Variants in SNTG1 observed in about 807,000 individuals in gnomAD.
SNTG1 encodes the protein gamma-1-syntrophin.
A neutral mutation model predicts 74.7 loss-of-function variants in SNTG1; 39 were observed. The ratio of observed to expected loss-of-function variants is 0.52; its 90% CI spans 0.40 to 0.68. The LOEUF (loss-of-function observed/expected upper bound fraction) is 0.68, where lower values mean the gene tolerates loss of function less well. Ranked by LOEUF, SNTG1 falls within the 30% of genes least tolerant of loss-of-function variation. The pLI, the probability that SNTG1 is intolerant of heterozygous loss-of-function variation, is 0.00. For synonymous variants in SNTG1, 254 were observed against 217.1 expected (o/e 1.17, Z -1.49); for missense variants, 685 against 609.5 (o/e 1.12, Z -1.30).
chr8:50,198,259 G>C (rs922300715), intron 2 of SNTG1, among the ~76,000 whole-genome samples: 1 of 152,164 alleles, frequency 6.6e-6, no homozygotes, highest in Non-Finnish European at 1.5e-5. Flanking sequence ...GGTTGAATCC[G>C]CCGGCTCTGA....
At chr8:50,418,957 G>C (rs1369731856) in intron 4 of SNTG1, among the ~76,000 whole-genome samples, 1 of 152,012 alleles carries the variant, frequency 6.6e-6, no homozygotes, top group African/African-American at 2.4e-5. Flanking sequence ...GGATAGAACT[G>C]TTTTTCTCTA....
chr8:50,207,513 C>T (rs2084305008), intron 2 of SNTG1, among the ~76,000 whole-genome samples: 1 of 152,148 alleles, frequency 6.6e-6, no homozygotes, highest in Admixed American at 6.5e-5. Context: ...CTTCAAAAAA[C>T]TAGCTCCTAG....
intron 2 of SNTG1, among the ~76,000 whole-genome samples, chr8:50,305,551 T>TGC (rs1399163096): frequency 2.0e-5 from 3 of 151,526 alleles, no homozygotes; most frequent in Non-Finnish European, 4.4e-5. Flanking sequence ...TGTGTGTGTG[T>TGC]GTGTCTGTAT....
At chr8:50,498,679 C>A (rs1044575822) in intron 8 of SNTG1, among the ~76,000 whole-genome samples, 1 of 151,770 alleles carries the variant, frequency 6.6e-6, no homozygotes, top group Non-Finnish European at 1.5e-5. Context: ...AATGCCACAA[C>A]GGTTTTCTCC....
intron 4 of SNTG1, among the ~76,000 whole-genome samples, chr8:50,409,641 C>G (rs549841204): frequency 2.0e-5 from 3 of 152,122 alleles, no homozygotes; most frequent in Non-Finnish European, 4.4e-5. Flanking sequence ...ACATTCAGTT[C>G]CTGTCATCCT....
chr8:50,461,204 T>G (rs976122942), intron 8 of SNTG1, among the ~76,000 whole-genome samples: 1 of 126,696 alleles, frequency 7.9e-6, no homozygotes, highest in Non-Finnish European at 1.7e-5. Context: ...TGTGTGTGTG[T>G]GACTGTACTG....
At chr8:50,789,526 C>T (rs1443854957) in intron 18 of SNTG1, among the ~76,000 whole-genome samples, 1 of 151,960 alleles carries the variant, frequency 6.6e-6, no homozygotes, top group Non-Finnish European at 1.5e-5. Flanking sequence ...ATATGCAGTT[C>T]TCCACTTATC....
intron 10 of SNTG1, among the ~76,000 whole-genome samples, chr8:50,536,109 A>G (rs535033746): frequency 2.0e-4 from 31 of 152,320 alleles, no homozygotes; most frequent in Non-Finnish European, 4.0e-4. Context: ...ATGCAATTAA[A>G]ACAACATAAG....
At position 50,682,154 on chromosome 8, in the gene SNTG1, G is replaced by C. The variant is rs1508624; in HGVS notation, c.1039-22446G>C. 2.0e-5 allele frequency among the ~76,000 whole-genome samples: 3 copies of C among 152,194 alleles called. No homozygotes were observed. The South Asian group carries it at 6.2e-4, about 32-fold the overall frequency. The stretch of plus-strand genomic sequence containing the variant: ...CTTCTATAGAAGGGTGTGACTTGCA[G>C]ATGGAGTAAAGGTGAGGGCACACAT... On this transcript the variant is annotated intron_variant, in intron 15 of 18. Coordinates refer to ENST00000642720, the MANE Select transcript of SNTG1 (RefSeq NM_018967.5).
chr8:50,080,242 T>A (rs1179038784), intron 1 of SNTG1, among the ~76,000 whole-genome samples: 2 of 152,192 alleles, frequency 1.3e-5, no homozygotes, highest in African/African-American at 4.8e-5. Context: ...CTATTTCTTG[T>A]CTTAAAATCT....
chr8:50,731,658 C>T (rs751141839), intron 17 of SNTG1, among the ~76,000 whole-genome samples: 2 of 152,086 alleles, frequency 1.3e-5, no homozygotes, highest in Admixed American at 1.3e-4. Flanking sequence ...TTTACAATGG[C>T]ACTCACAATT....
intron 1 of SNTG1, among the ~76,000 whole-genome samples, chr8:50,140,161 C>T (rs2081609151): frequency 6.6e-6 from 1 of 152,112 alleles, no homozygotes; most frequent in South Asian, 2.1e-4. Flanking sequence ...AATCTTTGTT[C>T]TGTGTGATGC....
chr8:50,371,717 G>A (rs749820286), intron 2 of SNTG1, among the ~76,000 whole-genome samples: 3 of 152,078 alleles, frequency 2.0e-5, no homozygotes, highest in Non-Finnish European at 4.4e-5. Flanking sequence ...GTGCTCTAAT[G>A]TTAGCTGCCT....
intron 13 of SNTG1, among the ~76,000 whole-genome samples, chr8:50,592,820 T>G (rs1418269836): frequency 6.6e-6 from 1 of 152,170 alleles, no homozygotes; most frequent in African/African-American, 2.4e-5. Context: ...CATCCTGATA[T>G]TTAAGAAACC....
In SNTG1 at chr8:50,644,457, G is replaced by A. The variant is rs1029464519; in HGVS notation, c.850-12452G>A. 3.9e-5 allele frequency: 6 copies of A among 152,040 alleles called. No individual in the cohort carries two copies. In the East Asian group the frequency reaches 9.6e-4, roughly 24 times the overall value. The allele number at this position is 152,040 out of a possible 1,614,324, so 9.4% of individuals were successfully genotyped here. A position where few individuals can be genotyped will look rare whatever the true frequency, so the allele number is the denominator to read the frequency against. On this transcript the variant is annotated intron_variant, in intron 13 of 18. Coordinates refer to ENST00000642720, the MANE Select transcript of SNTG1 (RefSeq NM_018967.5). ...ATGATCCACTCCGACTTAATTAATA[G>A]TAAATATATTTTCTCTTCATGATTT...
chr8:50,501,425 GTTTTTTTTTT>G lies in SNTG1; in HGVS notation c.364-1333_364-1324del, dbSNP rs59123896. Among the ~76,000 whole-genome samples the G allele has an allele frequency of 1.7e-3, 99 of 57,086 alleles. 1 individual carries two copies. The highest frequency in any genetic ancestry group is 8.9e-3 in the African/African-American group (91 of 10,220). The allele number at this position is 57,086 out of a possible 152,430, so 37.5% of individuals were successfully genotyped here. ...GGAGCAGAGAGAGATGAGCCTGTGC[GTTTTTTTTTT>G]TTTTTTTTTTTTTTTTTTTCACGGA... On this transcript the variant is annotated intron_variant, in intron 8 of 18. Coordinates refer to ENST00000642720, the MANE Select transcript of SNTG1 (RefSeq NM_018967.5).
chr8:50,140,344 C>T (rs528848835), intron 1 of SNTG1, among the ~76,000 whole-genome samples: 1 of 152,278 alleles, frequency 6.6e-6, no homozygotes, highest in African/African-American at 2.4e-5. Flanking sequence ...TAATGAACTG[C>T]TAAAGGTGAT....
At chr8:50,184,453 C>T (rs1362533675) in intron 2 of SNTG1, among the ~76,000 whole-genome samples, 2 of 152,122 alleles carry the variant, frequency 1.3e-5, no homozygotes, top group Non-Finnish European at 2.9e-5. Flanking sequence ...TGTGAGCCAC[C>T]GTGCCCGGCC....
chr8:50,723,407 C>T (rs145974999), intron 17 of SNTG1, among the ~76,000 whole-genome samples: 3 of 152,242 alleles, frequency 2.0e-5, no homozygotes, highest in East Asian at 1.9e-4. Context: ...CCAAAGTTCT[C>T]GAGAGAAGAC....
Sources: allele counts gnomAD v4.1 joint callset (sites outside exome capture counted in the v4.1 genomes callset), GRCh38; gene constraint gnomAD v4.1.1; transcripts MANE v1.5; gene names NCBI Gene and HGNC (gene_info 2026-07-23, HGNC 2026-07-21).